The following WIPI2 variants were observed in gnomAD, a reference collection of about 807,000 sequenced individuals.
The protein encoded by WIPI2 is WD repeat domain, phosphoinositide interacting 2.
Under a neutral mutation model 52.3 loss-of-function variants are expected in WIPI2, and 28 were observed. The ratio of observed to expected loss-of-function variants is 0.54; its 90% CI spans 0.40 to 0.73. The LOEUF (loss-of-function observed/expected upper bound fraction) is 0.73, where lower values mean the gene tolerates loss of function less well. Ranked by LOEUF, WIPI2 falls within the 30% of genes least tolerant of loss-of-function variation. WIPI2 has a pLI of 0.00. For missense variants in WIPI2, 506 were observed against 602.9 expected (o/e 0.84, Z 1.68); for synonymous variants, 268 against 245.0 (o/e 1.09, Z -0.88).
chr7:5,230,820 G>A lies in WIPI2; in HGVS notation c.1253-15G>A, dbSNP rs376681803. 101 of 1,607,478 alleles carry A rather than the reference G, an allele frequency of 6.3e-5. 1 individual carries two copies. Among genetic ancestry groups the A allele is most frequent in the African/African-American group, 4.9e-4 (37 of 74,786 alleles). ...TCCCCAGCCTTTGAAGGGTGACTTCGTCGTCTCTTTGCAGCCTACACAGAC... is the reference window on the plus strand; with the variant it reads ...TCCCCAGCCTTTGAAGGGTGACTTCATCGTCTCTTTGCAGCCTACACAGAC... On this transcript the variant is annotated splice_polypyrimidine_tract_variant and intron_variant, in intron 12 of 12. Coordinates refer to ENST00000288828, the MANE Select transcript of WIPI2 (RefSeq NM_015610.4). This position sits in a 1 kb window ranked among gnomAD's most constrained non-coding sequence, Gnocchi z 4.8.
chr7:5,229,148 T>C (rs1783592582), intron 11 of WIPI2, among the ~76,000 whole-genome samples: 1 of 152,204 alleles, frequency 6.6e-6, no homozygotes. Flanking sequence ...CCCGAGTAGC[T>C]GGGATGACAG....
At chr7:5,194,012 T>C (rs1781617122) in intron 2 of WIPI2, among the ~76,000 whole-genome samples, 1 of 152,252 alleles carries the variant, frequency 6.6e-6, no homozygotes, top group African/African-American at 2.4e-5. Context: ...GGAAGGAGAC[T>C]GTCTCGCCAT....
rs767064077 is a variant in WIPI2 at position 5,214,657 on chromosome 7, A to T, written c.334A>T (p.Asn112Tyr). Residue 112 changes from asparagine to tyrosine, a missense_variant, in exon 4 of 13, where the codon AAC becomes TAC. Physicochemically the swap from Asn to Tyr is moderately radical, Grantham distance 143. Coordinates refer to ENST00000288828, the MANE Select transcript of WIPI2 (RefSeq NM_015610.4). ...CTTTAAGAAGGGAACTGAGATCTGC[A>T]ACTACAGCTACTCCAACACGATTCT... The part of the protein sequence containing the change: ...CHFKKGTEIC[N>Y]YSYSNTILAV... 2 of 1,614,130 alleles carry T rather than the reference A, an allele frequency of 1.2e-6. No individual in the cohort carries two copies. The highest frequency in any genetic ancestry group is 1.7e-6 in the Non-Finnish European group (2 of 1,180,058).
At chr7:5,215,247 G>T (rs1216748089) in intron 4 of WIPI2, among the ~76,000 whole-genome samples, 1 of 122,370 alleles carries the variant, frequency 8.2e-6, no homozygotes, top group Non-Finnish European at 1.7e-5. Context: ...GGAGTCGGAA[G>T]TTGCAGTGAG....
intron 4 of WIPI2, 142 bp downstream of exon 4, chr7:5,214,846 G>A (rs549255052): frequency 1.2e-4 from 116 of 937,420 alleles, no homozygotes; most frequent in Middle Eastern, 2.4e-4. Context: ...TGCCTACAGA[G>A]ACCAGCTCTG....
chr7:5,205,558 C>G (rs1363598039), intron 3 of WIPI2, among the ~76,000 whole-genome samples: 16 of 152,098 alleles, frequency 1.1e-4, no homozygotes, highest in African/African-American at 3.9e-4. Context: ...GCCCATGTCC[C>G]CACAGGAGGA....
chr7:5,209,543 G>T (rs1243315879), intron 3 of WIPI2, among the ~76,000 whole-genome samples: 2 of 152,098 alleles, frequency 1.3e-5, no homozygotes, highest in African/African-American at 4.8e-5. Context: ...TGTTGGGTTG[G>T]CACAGTCTTT....
intron 2 of WIPI2, among the ~76,000 whole-genome samples, chr7:5,193,700 C>T (rs887263797): frequency 3.3e-5 from 5 of 151,970 alleles, no homozygotes; most frequent in Admixed American, 2.6e-4. Flanking sequence ...CTCAGCCTCC[C>T]GAGAAACCGG....
intron 4 of WIPI2, among the ~76,000 whole-genome samples, chr7:5,215,885 G>A (rs1182964005): frequency 6.6e-6 from 1 of 152,230 alleles, no homozygotes; most frequent in Non-Finnish European, 1.5e-5. Flanking sequence ...AGTAATCTGA[G>A]TGCACAATAA....
chr7:5,193,646 G>C (rs942338747), intron 2 of WIPI2, among the ~76,000 whole-genome samples: 6 of 152,228 alleles, frequency 3.9e-5, no homozygotes, highest in African/African-American at 1.4e-4. Flanking sequence ...AATGATCATA[G>C]CTTACTGCAA....
chr7:5,206,328 G>T (rs1461514642), intron 3 of WIPI2, among the ~76,000 whole-genome samples: 1 of 152,194 alleles, frequency 6.6e-6, no homozygotes, highest in South Asian at 2.1e-4. Context: ...GTCAGAAGGA[G>T]CTTCTCTTCC....
intron 2 of WIPI2, among the ~76,000 whole-genome samples, chr7:5,195,046 G>T (rs1336850161): frequency 1.3e-5 from 2 of 152,120 alleles, no homozygotes; most frequent in African/African-American, 2.4e-5. Flanking sequence ...AGAAGGACAG[G>T]CCTACTCTCT....
intron 1 of WIPI2, among the ~76,000 whole-genome samples, chr7:5,192,565 C>T (rs558203260): frequency 4.6e-5 from 7 of 152,292 alleles, no homozygotes; most frequent in African/African-American, 1.2e-4. Context: ...CCATGCTCCC[C>T]GAAGTTATTA....
At chr7:5,229,781 G>T (rs774406818) in intron 12 of WIPI2, 43 bp downstream of exon 12, 8 of 1,609,608 alleles carry the variant, frequency 5.0e-6, no homozygotes, top group Non-Finnish European at 6.8e-6. Context: ...TAGCCCCACA[G>T]CCCCGAGTGC....
intron 3 of WIPI2, chr7:5,213,275 G>T (rs3807586): frequency 0.25 from 37,628 of 152,170 alleles, 5,156 homozygotes; most frequent in Admixed American, 0.39. Flanking sequence ...TCAGAAAGAA[G>T]GTTTATGACA....
chr7:5,203,022 A>G (rs975585854), intron 3 of WIPI2, among the ~76,000 whole-genome samples: 2 of 152,220 alleles, frequency 1.3e-5, no homozygotes. Flanking sequence ...AACCCAGCAC[A>G]AGCAGACTGC....
In WIPI2 at chr7:5,214,808, T is replaced by C. The variant is rs1782730603; in HGVS notation, c.381+104T>C. On this transcript the variant is annotated intron_variant, in intron 4 of 12. Transcript: ENST00000288828. ...GCCCCTCCGTCATTCCCTTGCTGCC[T>C]GGCCCCACGTTGCCGGGCACAGATC... The C allele has an allele frequency of 4.5e-6, 6 of 1,326,712 alleles. No individual in the cohort carries two copies. In the South Asian group the frequency reaches 6.3e-5, roughly 14 times the overall value. The allele number at this position is 1,326,712 out of a possible 1,614,324, so 82.2% of individuals were successfully genotyped here.
chr7:5,226,843 T>C, intron 9 of WIPI2: 1 of 139,754 alleles, frequency 7.2e-6, no homozygotes, highest in Non-Finnish European at 1.4e-5. Context: ...TTTTGGAGAC[T>C]TCTATTACAG....
At chr7:5,218,905 C>T (rs1332947790) in intron 7 of WIPI2, 2 of 152,216 alleles carry the variant, frequency 1.3e-5, no homozygotes, top group African/African-American at 4.8e-5. Flanking sequence ...CACCGATGAC[C>T]TTTACTTTGA....
Sources: gnomAD v4.1 joint callset for allele counts (sites outside exome capture counted in the v4.1 genomes callset) on GRCh38, gnomAD v4.1.1 for gene constraint, Gnocchi (gnomAD v3.1) non-coding constraint, MANE v1.5 for transcripts, NCBI Gene and HGNC (gene_info 2026-07-23, HGNC 2026-07-21) for gene names.